SRRM4: variants seen among roughly 807,000 people sequenced by gnomAD.
SRRM4 encodes serine/arginine repetitive matrix protein 4.
Under a neutral mutation model 68.9 loss-of-function variants are expected in SRRM4, and 33 were observed. That is an observed-to-expected ratio of 0.48 (90% CI 0.36 to 0.64). The LOEUF is 0.64. Among genes scored for constraint, SRRM4 ranks in the 30% least tolerant of loss-of-function variants. The pLI, the probability that SRRM4 is intolerant of heterozygous loss-of-function variation, is 0.00. For missense variants in SRRM4, 817 were observed against 827.1 expected, an observed-to-expected ratio of 0.99 and a Z score of 0.15; for synonymous variants, 318 against 318.8, an observed-to-expected ratio of 1.00 and a Z score of 0.03.
At chr12:119,070,921 C>T (rs1051881619) in intron 1 of SRRM4, among the ~76,000 whole-genome samples, 1 of 152,160 alleles carries the variant, frequency 6.6e-6, no homozygotes, top group African/African-American at 2.4e-5. Context: ...GTCTTTACTC[C>T]ACTGCCTCTG....
chr12:119,035,517 A>T (rs764874322), intron 1 of SRRM4, among the ~76,000 whole-genome samples: 11 of 152,164 alleles, frequency 7.2e-5, no homozygotes, highest in Non-Finnish European at 1.6e-4. Flanking sequence ...GGGTGTTGTG[A>T]ATCCATGCTC....
At chr12:119,081,801 T>C (rs1402063883) in intron 1 of SRRM4, among the ~76,000 whole-genome samples, 1 of 152,232 alleles carries the variant, frequency 6.6e-6, no homozygotes, top group Non-Finnish European at 1.5e-5. Flanking sequence ...TACTTTGAAG[T>C]TAGCATCTAG....
In SRRM4 at chr12:119,162,531, G is replaced by C. The variant is rs1022330971; in HGVS notation, c.*5733G>C. The C allele has an allele frequency of 6.6e-6, 1 of 152,170 alleles. No homozygotes were observed. The highest frequency in any genetic ancestry group is 1.5e-5 in the Non-Finnish European group (1 of 68,046). The allele number at this position is 152,170 out of a possible 1,614,324, so 9.4% of individuals were successfully genotyped here. On this transcript the variant is annotated 3_prime_UTR_variant, in exon 13 of 13. Transcript: ENST00000267260. Reference sequence around the variant, plus strand: ...GAGGAGAAAACTGAGGCTCAGGAGGGGGAGTTGACATGCCCAAGCTCCCTT... The same window carrying C: ...GAGGAGAAAACTGAGGCTCAGGAGGCGGAGTTGACATGCCCAAGCTCCCTT...
chr12:119,129,828 G>C (rs1331018979), intron 7 of SRRM4, among the ~76,000 whole-genome samples: 1 of 152,144 alleles, frequency 6.6e-6, no homozygotes, highest in Non-Finnish European at 1.5e-5. Context: ...TGGATGAATG[G>C]CTGAATGGTT....
At chr12:119,124,969 C>T (rs1954247434) in intron 6 of SRRM4, among the ~76,000 whole-genome samples, 1 of 152,130 alleles carries the variant, frequency 6.6e-6, no homozygotes, top group Admixed American at 6.5e-5. Flanking sequence ...CTCGGGCCTC[C>T]GGTTGATATT....
chr12:119,028,839 A>T (rs959126250), intron 1 of SRRM4, among the ~76,000 whole-genome samples: 1 of 152,216 alleles, frequency 6.6e-6, no homozygotes, highest in East Asian at 1.9e-4. Flanking sequence ...ATAAATTTGA[A>T]TCGGTGATCC....
At chr12:119,128,142 C>A (rs1464362556) in intron 7 of SRRM4, among the ~76,000 whole-genome samples, 1 of 152,134 alleles carries the variant, frequency 6.6e-6, no homozygotes, top group East Asian at 1.9e-4. Flanking sequence ...CAATAATTTC[C>A]AAGAATATCA....
chr12:119,016,598 G>T (rs1953483251), intron 1 of SRRM4, among the ~76,000 whole-genome samples: 1 of 152,044 alleles, frequency 6.6e-6, no homozygotes. Flanking sequence ...ACAAATTTAT[G>T]GTTCAACACT....
intron 8 of SRRM4, 91 bp downstream of exon 8, chr12:119,130,925 T>G (rs944773592): frequency 7.9e-7 from 1 of 1,269,706 alleles, no homozygotes; most frequent in Non-Finnish European, 1.1e-6. Context: ...ATGGTACACT[T>G]TAATTCAATT....
chr12:119,119,531 C>T (rs1319930678), intron 4 of SRRM4, among the ~76,000 whole-genome samples: 1 of 151,710 alleles, frequency 6.6e-6, no homozygotes, highest in Non-Finnish European at 1.5e-5. Context: ...AACTGGAGCA[C>T]TGAAGAATGA....
chr12:119,056,174 A>T (rs1316526621), intron 1 of SRRM4, among the ~76,000 whole-genome samples: 1 of 152,184 alleles, frequency 6.6e-6, no homozygotes, highest in East Asian at 1.9e-4. Flanking sequence ...AACAGCCTGC[A>T]TGATGCTCCC....
chr12:119,054,501 G>A (rs758901082), intron 1 of SRRM4, among the ~76,000 whole-genome samples: 4 of 152,196 alleles, frequency 2.6e-5, no homozygotes, highest in Non-Finnish European at 5.9e-5. Context: ...TAATTCCAGT[G>A]TGCATGCACT....
At chr12:119,115,976 G>A (rs1023624204) in intron 3 of SRRM4, among the ~76,000 whole-genome samples, 3 of 152,040 alleles carry the variant, frequency 2.0e-5, no homozygotes, top group Non-Finnish European at 2.9e-5. Context: ...TGCTGTAGAA[G>A]CCCAGACCTG....
intron 1 of SRRM4, among the ~76,000 whole-genome samples, chr12:119,060,376 A>G (rs956056190): frequency 4.0e-5 from 6 of 149,884 alleles, no homozygotes; most frequent in African/African-American, 9.8e-5. Flanking sequence ...ACTGTTGAAC[A>G]TGGATGGGCA....
chr12:119,053,986 T>C (rs924081287), intron 1 of SRRM4, among the ~76,000 whole-genome samples: 2 of 152,202 alleles, frequency 1.3e-5, no homozygotes, highest in African/African-American at 4.8e-5. Flanking sequence ...ATTCATTCTT[T>C]CTATTTTCTT....
chr12:119,138,843 A>G (rs1422119237), intron 8 of SRRM4, among the ~76,000 whole-genome samples: 1 of 152,138 alleles, frequency 6.6e-6, no homozygotes, highest in Non-Finnish European at 1.5e-5. Context: ...CCATACCCCG[A>G]AAGTAGGCTT....
intron 1 of SRRM4, among the ~76,000 whole-genome samples, chr12:119,050,543 C>T (rs1231255207): frequency 6.6e-6 from 1 of 152,202 alleles, no homozygotes; most frequent in Non-Finnish European, 1.5e-5. Context: ...TATGGTGGAA[C>T]TTGCAGCAGA....
chr12:119,000,294 A>G (rs570242895), intron 1 of SRRM4, among the ~76,000 whole-genome samples: 2 of 152,352 alleles, frequency 1.3e-5, no homozygotes, highest in African/African-American at 4.8e-5. Flanking sequence ...GTCGTTTTAC[A>G]GGAGTGAGCA....
chr12:119,000,372 A>G (rs1953376662), intron 1 of SRRM4, among the ~76,000 whole-genome samples: 1 of 152,230 alleles, frequency 6.6e-6, no homozygotes, highest in Non-Finnish European at 1.5e-5. Flanking sequence ...TAACTGAGGC[A>G]TAACACAAGT....
Sources: gnomAD v4.1 joint callset for allele counts (sites outside exome capture counted in the v4.1 genomes callset) on GRCh38, gnomAD v4.1.1 for gene constraint, MANE v1.5 for transcripts, NCBI Gene and HGNC (gene_info 2026-07-23, HGNC 2026-07-21) for gene names.